The following HCN1 variants were observed in gnomAD, a reference collection of about 807,000 sequenced individuals.
HCN1 encodes hyperpolarization activated cyclic nucleotide gated potassium channel 1.
A neutral mutation model predicts 78.9 loss-of-function variants in HCN1; 13 were observed. The observed-to-expected ratio is 0.16, with a 90% CI of 0.11 to 0.26. The LOEUF (loss-of-function observed/expected upper bound fraction) is 0.26, where lower values mean the gene tolerates loss of function less well. HCN1 is among the 10% of genes least tolerant of loss of function. HCN1 has a pLI of 1.00. For missense variants in HCN1, 810 were observed against 1,154.3 expected (o/e 0.70, Z 4.32); for synonymous variants, 552 against 455.5 (o/e 1.21, Z -2.70).
chr5:45,457,992 T>C (rs1435420395), intron 3 of HCN1, among the ~76,000 whole-genome samples: 6 of 152,110 alleles, frequency 3.9e-5, no homozygotes, highest in Non-Finnish European at 8.8e-5. Context: ...CGGTTAGTGA[T>C]TGACTTTTTA....
At chr5:45,373,362 TATA>T (rs1414289810) in intron 4 of HCN1, among the ~76,000 whole-genome samples, 2 of 119,330 alleles carry the variant, frequency 1.7e-5, no homozygotes, top group African/African-American at 6.8e-5. Context: ...TATTTATAAA[TATA>T]ATATATATTT....
chr5:45,430,228 C>CA (rs1740434027), intron 3 of HCN1, among the ~76,000 whole-genome samples: 3 of 152,094 alleles, frequency 2.0e-5, no homozygotes, highest in Admixed American at 1.3e-4. Context: ...GTGACTTAGC[C>CA]ACAGCAATTT....
intron 6 of HCN1, among the ~76,000 whole-genome samples, chr5:45,276,706 A>T (rs1286583479): frequency 2.0e-5 from 3 of 152,136 alleles, no homozygotes; most frequent in African/African-American, 7.2e-5. Flanking sequence ...ATGAAAAAAG[A>T]TTTGAGCATA....
chr5:45,389,832 G>A (rs1322186411), intron 4 of HCN1, among the ~76,000 whole-genome samples: 5 of 152,082 alleles, frequency 3.3e-5, no homozygotes, highest in Non-Finnish European at 7.4e-5. Flanking sequence ...TTAGGAATAC[G>A]TCGTATCTCA....
chr5:45,676,469 G>C (rs1746268444), intron 1 of HCN1, among the ~76,000 whole-genome samples: 1 of 151,540 alleles, frequency 6.6e-6, no homozygotes, highest in Non-Finnish European at 1.5e-5. Context: ...AAAATCAGGA[G>C]AAAAATTTTT....
chr5:45,556,832 C>A (rs999635572), intron 2 of HCN1, among the ~76,000 whole-genome samples: 1 of 151,892 alleles, frequency 6.6e-6, no homozygotes, highest in Non-Finnish European at 1.5e-5. Context: ...GTGTGAATAG[C>A]GAACACTATT....
intron 2 of HCN1, among the ~76,000 whole-genome samples, chr5:45,465,894 A>T (rs1405865978): frequency 6.6e-6 from 1 of 152,182 alleles, no homozygotes; most frequent in African/African-American, 2.4e-5. Context: ...AATAAGAAGA[A>T]AGATCTGGTC....
intron 3 of HCN1, among the ~76,000 whole-genome samples, chr5:45,438,710 C>T (rs1307864994): frequency 1.3e-5 from 2 of 152,070 alleles, no homozygotes; most frequent in South Asian, 2.1e-4. Flanking sequence ...CTACTCAGAA[C>T]TCCAGTTTCT....
intron 2 of HCN1, among the ~76,000 whole-genome samples, chr5:45,586,790 A>T (rs1319637983): frequency 6.6e-6 from 1 of 152,168 alleles, no homozygotes; most frequent in East Asian, 1.9e-4. Flanking sequence ...GTCTCTTAGC[A>T]CCAGAGACTA....
intron 2 of HCN1, among the ~76,000 whole-genome samples, chr5:45,462,505 T>C (rs955212147): frequency 2.0e-5 from 3 of 152,090 alleles, no homozygotes; most frequent in Non-Finnish European, 4.4e-5. Context: ...GTTAAATTTA[T>C]AGCTATGTGA....
intron 4 of HCN1, among the ~76,000 whole-genome samples, chr5:45,363,916 T>TA (rs1289527109): frequency 6.6e-6 from 1 of 152,038 alleles, no homozygotes; most frequent in Admixed American, 6.6e-5. Flanking sequence ...ATCAGCAGCG[T>TA]AAAAATGGGC....
intron 4 of HCN1, among the ~76,000 whole-genome samples, chr5:45,359,515 C>T (rs963258813): frequency 2.0e-5 from 3 of 151,306 alleles, no homozygotes; most frequent in South Asian, 2.1e-4. Flanking sequence ...TCTATGTGTA[C>T]ATTGGCATCA....
chr5:45,472,514 G>A (rs971371672), intron 2 of HCN1, among the ~76,000 whole-genome samples: 1 of 150,094 alleles, frequency 6.7e-6, no homozygotes, highest in Non-Finnish European at 1.5e-5. Flanking sequence ...ACAAGATGGA[G>A]GGAGGAAGGG....
intron 3 of HCN1, among the ~76,000 whole-genome samples, chr5:45,460,021 C>A (rs949072371): frequency 6.6e-6 from 1 of 151,974 alleles, no homozygotes; most frequent in Admixed American, 6.6e-5. Flanking sequence ...CTTTAGTTAT[C>A]GAAACTACCA....
chr5:45,579,395 C>T (rs1744012823), intron 2 of HCN1, among the ~76,000 whole-genome samples: 1 of 152,056 alleles, frequency 6.6e-6, no homozygotes. Flanking sequence ...CAGCTCAAGA[C>T]CAATCTCCAT....
intron 2 of HCN1, among the ~76,000 whole-genome samples, chr5:45,484,765 T>C (rs185765633): frequency 3.3e-5 from 5 of 152,336 alleles, no homozygotes; most frequent in Admixed American, 2.6e-4. Flanking sequence ...ACAGTGCTTA[T>C]ACTTTTATTA....
chr5:45,334,094 T>C (rs965789626), intron 5 of HCN1, among the ~76,000 whole-genome samples: 2 of 151,904 alleles, frequency 1.3e-5, no homozygotes, highest in African/African-American at 4.8e-5. Flanking sequence ...ATGGTTATTA[T>C]AACTATAGAA....
chr5:45,578,767 G>T (rs879830274), intron 2 of HCN1, among the ~76,000 whole-genome samples: 2 of 151,994 alleles, frequency 1.3e-5, no homozygotes, highest in Non-Finnish European at 2.9e-5. Flanking sequence ...AAGTTACACA[G>T]TTAAAATGTA....
At chr5:45,577,308 T>C (rs1431654702) in intron 2 of HCN1, among the ~76,000 whole-genome samples, 3 of 152,064 alleles carry the variant, frequency 2.0e-5, no homozygotes, top group Non-Finnish European at 4.4e-5. Context: ...CTGATTAGAA[T>C]GATCCAGAAA....
Sources: allele counts gnomAD v4.1 joint callset (sites outside exome capture counted in the v4.1 genomes callset), GRCh38; gene constraint gnomAD v4.1.1; transcripts MANE v1.5; gene names NCBI Gene and HGNC (gene_info 2026-07-23, HGNC 2026-07-21).